The following FHIP1A variants were observed in gnomAD, a reference collection of about 807,000 sequenced individuals.
FHIP1A encodes the protein FHF complex subunit HOOK interacting protein 1A, also known as FHF complex subunit HOOK-interacting protein 1A.
FHIP1A carries 61 observed loss-of-function variants against 88.6 expected under a neutral mutation model. The observed-to-expected ratio is 0.69, with a 90% CI of 0.56 to 0.85. The LOEUF is 0.85. FHIP1A is among the 40% of genes least tolerant of loss of function. FHIP1A has a pLI of 0.00. For synonymous variants in FHIP1A, 478 were observed against 496.0 expected (o/e 0.96, Z 0.48); for missense variants, 1,154 against 1,273.5 (o/e 0.91, Z 1.43).
At chr4:151,496,543 C>T (rs1730468052) in intron 3 of FHIP1A, among the ~76,000 whole-genome samples, 1 of 151,852 alleles carries the variant, frequency 6.6e-6, no homozygotes, top group Non-Finnish European at 1.5e-5. Flanking sequence ...GAATAGATTA[C>T]ATTTATTTAT....
intron 9 of FHIP1A, among the ~76,000 whole-genome samples, chr4:151,642,896 A>G (rs1736643280): frequency 1.3e-5 from 2 of 150,176 alleles, no homozygotes; most frequent in Non-Finnish European, 3.0e-5. Context: ...TTTGGACAAT[A>G]TGTATAATAT....
chr4:151,650,683 AT>A, intron 11 of FHIP1A, 91 bp downstream of exon 11: 1 of 1,442,080 alleles, frequency 6.9e-7, no homozygotes, highest in Non-Finnish European at 9.1e-7. Flanking sequence ...GGTAAGGGAT[AT>A]TATCGGTTTG....
intron 7 of FHIP1A, among the ~76,000 whole-genome samples, chr4:151,597,678 C>T (rs2126823426): frequency 6.6e-6 from 1 of 152,292 alleles, no homozygotes; most frequent in East Asian, 1.9e-4. Context: ...GGAGTTTTAT[C>T]TCTAAGCCCC....
chr4:151,469,865 G>A (rs911174550), intron 2 of FHIP1A, among the ~76,000 whole-genome samples: 2 of 152,060 alleles, frequency 1.3e-5, no homozygotes, highest in Admixed American at 6.6e-5. Flanking sequence ...GCAAATCATT[G>A]CCAGCTGGTG....
chr4:151,619,776 A>G (rs759366914), intron 7 of FHIP1A, among the ~76,000 whole-genome samples: 2 of 152,232 alleles, frequency 1.3e-5, no homozygotes, highest in African/African-American at 2.4e-5. Flanking sequence ...CTTACAAAGC[A>G]TATTTTATTT....
intron 11 of FHIP1A, among the ~76,000 whole-genome samples, chr4:151,655,226 C>T (rs1399839656): frequency 6.6e-6 from 1 of 152,208 alleles, no homozygotes; most frequent in East Asian, 1.9e-4. Context: ...TCAATAGCTC[C>T]ACCAAGGGAA....
At chr4:151,644,566 C>G (rs1384788009) in intron 9 of FHIP1A, among the ~76,000 whole-genome samples, 1 of 152,068 alleles carries the variant, frequency 6.6e-6, no homozygotes, top group Non-Finnish European at 1.5e-5. Context: ...TGCTCAGGCT[C>G]GTTTTGAACT....
intron 2 of FHIP1A, among the ~76,000 whole-genome samples, chr4:151,466,386 C>T (rs552003221): frequency 6.6e-6 from 1 of 152,262 alleles, no homozygotes; most frequent in Admixed American, 6.5e-5. Flanking sequence ...GAATCAATAT[C>T]ATGAAAATGA....
chr4:151,648,321 GT>G (rs1411465377), intron 10 of FHIP1A, among the ~76,000 whole-genome samples: 1 of 152,224 alleles, frequency 6.6e-6, no homozygotes, highest in Admixed American at 6.5e-5. Context: ...TGCCTCGCAT[GT>G]AGTAAGTGCG....
At chr4:151,646,818 C>A in intron 10 of FHIP1A, 70 bp downstream of exon 10, 1 of 1,061,742 alleles carries the variant, frequency 9.4e-7, no homozygotes, top group Non-Finnish European at 1.4e-6. Context: ...GATATGTGTC[C>A]CTTTGGGTAG....
rs1039167349 is a variant in FHIP1A at position 151,646,689 on chromosome 4, C to A, written c.1358C>A (p.Thr453Lys). Residue 453 changes from threonine (T) to lysine (K), a missense_variant, in exon 10 of 14, where the codon ACG (threonine) becomes AAG (lysine). Thr to Lys is a moderately conservative substitution (Grantham distance 78). Coordinates refer to ENST00000435205, the MANE Select transcript of FHIP1A (RefSeq NM_001109977.3). ...TGCTGCTCCAGCGGGATCACTCTGA[C>A]GCTGGGGAACCAAGAGAGGGATTAT... ...PVCCSSGITL[T>K]LGNQERDYIL... 9.0e-6 allele frequency: 14 copies of A among 1,551,478 alleles called. No homozygotes were observed. Among genetic ancestry groups the A allele is most frequent in the Non-Finnish European group, 1.2e-5 (14 of 1,146,926 alleles).
chr4:151,510,529 C>G (rs1730989800), intron 3 of FHIP1A, among the ~76,000 whole-genome samples: 1 of 152,108 alleles, frequency 6.6e-6, no homozygotes, highest in Admixed American at 6.6e-5. Context: ...TAATGTTAAC[C>G]TCTTACTTAA....
chr4:151,493,060 TAAAC>T (rs1383626699), intron 3 of FHIP1A, among the ~76,000 whole-genome samples: 2 of 151,902 alleles, frequency 1.3e-5, no homozygotes, highest in South Asian at 2.1e-4. Flanking sequence ...TTTAAAAAGA[TAAAC>T]AAAATTGATA....
chr4:151,596,522 G>T (rs1734654295), intron 7 of FHIP1A, among the ~76,000 whole-genome samples: 2 of 152,204 alleles, frequency 1.3e-5, no homozygotes, highest in South Asian at 4.2e-4. Context: ...TTCTCGAGAT[G>T]TATCTTTGTG....
At chr4:151,634,523 G>C (rs1182299223) in intron 8 of FHIP1A, among the ~76,000 whole-genome samples, 1 of 151,778 alleles carries the variant, frequency 6.6e-6, no homozygotes, top group Non-Finnish European at 1.5e-5. Flanking sequence ...CAAAGCTATA[G>C]TAATAAAAAA....
rs756552311 is a variant in FHIP1A, at chr4:151,629,799, T to C, written c.1076T>C (p.Ile359Thr). 4 of 1,551,366 alleles carry C rather than the reference T, an allele frequency of 2.6e-6. No individual in the cohort carries two copies. The African/African-American group carries it at 5.5e-5, about 21-fold the overall frequency. ...PALLEIFLRFILLHQHENVHI... is the reference protein window; with the variant it reads ...PALLEIFLRFTLLHQHENVHI... Reference sequence around the variant, plus strand: ...CTACTTGAGATCTTCCTCCGTTTTATCCTATTGCACCAGCACGAGAATGTC... The same window carrying C: ...CTACTTGAGATCTTCCTCCGTTTTACCCTATTGCACCAGCACGAGAATGTC... Residue 359 changes from isoleucine to threonine, a missense_variant, in exon 8 of 14, where the codon ATC (isoleucine) becomes ACC (threonine). Transcript: ENST00000435205.
chr4:151,504,870 G>A (rs1309361987), intron 3 of FHIP1A, among the ~76,000 whole-genome samples: 1 of 152,088 alleles, frequency 6.6e-6, no homozygotes, highest in Non-Finnish European at 1.5e-5. Context: ...CACGCACCTC[G>A]GCCTCCCAAC....
At chr4:151,488,999 G>T (rs1443049545) in intron 3 of FHIP1A, among the ~76,000 whole-genome samples, 1 of 152,158 alleles carries the variant, frequency 6.6e-6, no homozygotes, top group African/African-American at 2.4e-5. Context: ...GACTCACATT[G>T]TGAAGTTTTG....
chr4:151,415,787 G>A (rs957074098), intron 1 of FHIP1A, among the ~76,000 whole-genome samples: 1 of 152,094 alleles, frequency 6.6e-6, no homozygotes, highest in Non-Finnish European at 1.5e-5. Flanking sequence ...ACAGCAAAAG[G>A]TGCTGAGCTT....
Sources: allele counts gnomAD v4.1 joint callset (sites outside exome capture counted in the v4.1 genomes callset), GRCh38; gene constraint gnomAD v4.1.1; transcripts MANE v1.5; gene names NCBI Gene and HGNC (gene_info 2026-07-23, HGNC 2026-07-21).